Variants in RRM2B observed in about 807,000 individuals in gnomAD.
RRM2B encodes ribonucleoside-diphosphate reductase subunit M2 B.
A neutral mutation model predicts 45.9 loss-of-function variants in RRM2B; 20 were observed. That is an observed-to-expected ratio of 0.44 (90% CI 0.31 to 0.63). The LOEUF is 0.63. Among genes scored for constraint, RRM2B ranks in the 30% least tolerant of loss-of-function variants. The pLI is 0.09. For missense variants in RRM2B, 320 were observed against 414.7 expected (o/e 0.77, Z 1.98); for synonymous variants, 124 against 132.3 (o/e 0.94, Z 0.43).
intron 7 of RRM2B, 109 bp from the exon 8 acceptor site, chr8:102,212,998 A>T (rs1810662074): frequency 2.8e-6 from 2 of 706,436 alleles, no homozygotes; most frequent in Admixed American, 4.2e-5. Flanking sequence ...TTGTCCAAGG[A>T]AAGTATATTA....
At chr8:102,237,511 A>C (rs904070044) in intron 1 of RRM2B, among the ~76,000 whole-genome samples, 4 of 152,258 alleles carry the variant, frequency 2.6e-5, no homozygotes, top group Non-Finnish European at 4.4e-5. Flanking sequence ...CAGGTCTCCT[A>C]TTATGCACTC....
chr8:102,212,212 C>A (rs1810646268), intron 8 of RRM2B, among the ~76,000 whole-genome samples: 1 of 152,120 alleles, frequency 6.6e-6, no homozygotes, highest in Non-Finnish European at 1.5e-5. Flanking sequence ...AAGCAACCTG[C>A]CAAAGGTCAC....
In RRM2B at chr8:102,211,220, T is replaced by G. The variant is rs532567214; in HGVS notation, c.903+1556A>C. ...CATGTTGCCTAGGCTGGTCTCAAACTCCTAGACTCAAGTGATTCTTCCACC... is the reference window on the plus strand; with the variant it reads ...CATGTTGCCTAGGCTGGTCTCAAACGCCTAGACTCAAGTGATTCTTCCACC... On this transcript the variant is annotated intron_variant, in intron 8 of 8. Coordinates refer to ENST00000251810, the MANE Select transcript of RRM2B (RefSeq NM_015713.5). 2.0e-5 allele frequency among the ~76,000 whole-genome samples: 3 copies of G among 152,294 alleles called. No individual in the cohort carries two copies. The South Asian group carries it at 6.2e-4, about 32-fold the overall frequency.
chr8:102,214,434 C>A, intron 6 of RRM2B: 1 of 360,152 alleles, frequency 2.8e-6, no homozygotes, highest in South Asian at 2.6e-5. Context: ...CAAATAAAAG[C>A]ATTTTGGAAA....
At chr8:102,232,709 T>C (rs1234374768) in intron 1 of RRM2B, among the ~76,000 whole-genome samples, 1 of 120,544 alleles carries the variant, frequency 8.3e-6, no homozygotes, top group African/African-American at 3.7e-5. Flanking sequence ...AATGTCCCTT[T>C]AGAGCCTCTC....
Position 102,238,878 on chromosome 8 carries a change from G to A in RRM2B, c.-4C>T. On this transcript the variant is annotated 5_prime_UTR_variant, in exon 1 of 9. Coordinates refer to ENST00000251810, the MANE Select transcript of RRM2B (RefSeq NM_015713.5). ...CCGGCCTTTCCGGGTCGCCCATCGC[G>A]CAGACTCCGCCGAAGCTACGGGCGC... 6.2e-7 allele frequency: 1 copy of A among 1,611,144 alleles called. No individual in the cohort carries two copies. Among genetic ancestry groups the A allele is most frequent in the Non-Finnish European group, 8.5e-7 (1 of 1,179,866 alleles).
At chr8:102,235,185 A>G (rs1320832363) in intron 1 of RRM2B, among the ~76,000 whole-genome samples, 3 of 152,238 alleles carry the variant, frequency 2.0e-5, no homozygotes, top group African/African-American at 7.2e-5. Context: ...AAGAACAATG[A>G]AAAGATTATT....
chr8:102,215,531 G>A (rs1810714597), intron 6 of RRM2B, among the ~76,000 whole-genome samples: 2 of 152,172 alleles, frequency 1.3e-5, no homozygotes, highest in Admixed American at 1.3e-4. Context: ...GAATTGGTGT[G>A]TGTGTGTTTG....
Position 102,206,459 on chromosome 8 carries a change from T to C in RRM2B, c.*1674A>G, listed in dbSNP as rs1181062902. On this transcript the variant is annotated 3_prime_UTR_variant, in exon 9 of 9. Coordinates refer to ENST00000251810, the MANE Select transcript of RRM2B (RefSeq NM_015713.5). ...AAAAGATCTCAAGTTTCTGACAGTG[T>C]ATCTAACAAATAAAGTTATGGCCTG... 2.0e-5 allele frequency: 3 copies of C among 152,308 alleles called. No individual in the cohort carries two copies. Among genetic ancestry groups the C allele is most frequent in the African/African-American group, 7.2e-5 (3 of 41,576 alleles). The allele number at this position is 152,308 out of a possible 1,614,324, so 9.4% of individuals were successfully genotyped here.
At chr8:102,237,992 T>C (rs1040091186) in intron 1 of RRM2B, among the ~76,000 whole-genome samples, 14 of 152,160 alleles carry the variant, frequency 9.2e-5, no homozygotes, top group African/African-American at 3.4e-4. Context: ...ACAAAAAGCA[T>C]TTCTCTTGTC....
intron 4 of RRM2B, among the ~76,000 whole-genome samples, 166 bp from the exon 5 acceptor site, chr8:102,224,306 C>A (rs1373380810): frequency 6.6e-6 from 1 of 152,038 alleles, no homozygotes; most frequent in Non-Finnish European, 1.5e-5. Flanking sequence ...CTCAGCCTCC[C>A]GAGTAGCTAG....
At chr8:102,225,628 G>C (rs561196527) in intron 3 of RRM2B, among the ~76,000 whole-genome samples, 1 of 152,278 alleles carries the variant, frequency 6.6e-6, no homozygotes, top group South Asian at 2.1e-4. Flanking sequence ...CTATTACAGA[G>C]CTCCAAAGGT....
chr8:102,205,448 G>A lies in RRM2B; in HGVS notation c.*2685C>T, dbSNP rs1810527412. 3 of 152,110 alleles carry A rather than the reference G, an allele frequency of 2.0e-5. No homozygotes were observed. Among genetic ancestry groups the A allele is most frequent in the Admixed American group, 2.0e-4 (3 of 15,276 alleles). 9.4% of individuals were successfully genotyped at this position (152,110 alleles called of 1,614,324 possible). On this transcript the variant is annotated 3_prime_UTR_variant, in exon 9 of 9. Transcript: ENST00000251810. ...GTATTAATATCAAGACAAGGCTGGG[G>A]CCAGCTTAGTTGTAAGAAAAACTAT...
chr8:102,232,567 A>ACC (rs1444666167), intron 1 of RRM2B, among the ~76,000 whole-genome samples: 2 of 152,242 alleles, frequency 1.3e-5, no homozygotes, highest in East Asian at 3.8e-4. Flanking sequence ...TGATGATTAA[A>ACC]AGTGCTTTAA....
intron 6 of RRM2B, among the ~76,000 whole-genome samples, chr8:102,216,091 C>T (rs1315126767): frequency 6.6e-6 from 1 of 151,168 alleles, no homozygotes; most frequent in Non-Finnish European, 1.5e-5. Flanking sequence ...AGAATAAAAT[C>T]TGATAGGTCA....
chr8:102,238,831 T>C lies in RRM2B; in HGVS notation c.44A>G (p.Asp15Gly). Residue 15 changes from aspartate (D) to glycine (G), a missense_variant, in exon 1 of 9, where the codon GAT (aspartate) becomes GGT (glycine). This residue lies in a region of RRM2B where 48 missense variants were observed against 35.3 expected (regional missense o/e 1.36). Coordinates refer to ENST00000251810, the MANE Select transcript of RRM2B (RefSeq NM_015713.5). ...ERPEAAGLDQDERSSSDTNES... is the reference protein window; with the variant it reads ...ERPEAAGLDQGERSSSDTNES... ...AGACGCAACAGCAACATTTACCTCA[T>C]CCTGATCCAGCCCGGCCGCTTCCGG... 2 of 1,613,694 alleles carry C rather than the reference T, an allele frequency of 1.2e-6. No homozygotes were observed. The highest frequency in any genetic ancestry group is 1.7e-6 in the Non-Finnish European group (2 of 1,179,908).
chr8:102,236,378 T>C (rs1245974716), intron 1 of RRM2B, among the ~76,000 whole-genome samples: 1 of 152,128 alleles, frequency 6.6e-6, no homozygotes, highest in Admixed American at 6.5e-5. Context: ...GAGGTGGCAT[T>C]AGGAAGACTA....
At chr8:102,227,903 C>T (rs1810960592) in intron 2 of RRM2B, among the ~76,000 whole-genome samples, 1 of 152,084 alleles carries the variant, frequency 6.6e-6, no homozygotes. Context: ...CTAATTACCT[C>T]CCAAGGCTCC....
chr8:102,210,330 GC>G (rs1426543507), intron 8 of RRM2B, among the ~76,000 whole-genome samples: 1 of 152,064 alleles, frequency 6.6e-6, no homozygotes, highest in Non-Finnish European at 1.5e-5. Flanking sequence ...CAGTGAAAGG[GC>G]ACTGAACCAA....
Sources: gnomAD v4.1 joint callset for allele counts (sites outside exome capture counted in the v4.1 genomes callset) on GRCh38, gnomAD v4.1.1 for gene constraint, gnomAD v4.1.1 regional missense constraint, MANE v1.5 for transcripts, NCBI Gene and HGNC (gene_info 2026-07-23, HGNC 2026-07-21) for gene names.